The following GPC5 variants were observed in gnomAD, a reference collection of about 807,000 sequenced individuals.
GPC5 encodes the protein glypican 5, also known as glypican-5.
GPC5 carries 47 observed loss-of-function variants against 53.9 expected under a neutral mutation model. The ratio of observed to expected loss-of-function variants is 0.87; its 90% CI spans 0.69 to 1.11. The LOEUF is 1.11. Among genes scored for constraint, GPC5 ranks in the 50% most tolerant of loss-of-function variants. GPC5 has a pLI of 0.00. For synonymous variants in GPC5, 286 were observed against 263.3 expected, an observed-to-expected ratio of 1.09 and a Z score of -0.84; for missense variants, 748 against 713.1, an observed-to-expected ratio of 1.05 and a Z score of -0.56.
intron 4 of GPC5, among the ~76,000 whole-genome samples, chr13:91,755,366 A>G (rs1043518346): frequency 2.6e-5 from 4 of 152,106 alleles, no homozygotes; most frequent in African/African-American, 9.7e-5. Context: ...TTTCCTTCCA[A>G]CATTTCCTTC....
chr13:92,751,561 T>G (rs1889399670), intron 7 of GPC5, among the ~76,000 whole-genome samples: 1 of 122,062 alleles, frequency 8.2e-6, no homozygotes, highest in South Asian at 2.7e-4. Context: ...CCTTCTAAAT[T>G]GTGCAGTGGG....
At chr13:91,618,423 G>T (rs68058549) in intron 2 of GPC5, among the ~76,000 whole-genome samples, 2 of 151,872 alleles carry the variant, frequency 1.3e-5, no homozygotes, top group South Asian at 2.1e-4. Flanking sequence ...CATCAATATT[G>T]GTGTTACATA....
chr13:92,239,753 A>G (rs953164106), intron 7 of GPC5: 1 of 152,084 alleles, frequency 6.6e-6, no homozygotes, highest in Non-Finnish European at 1.5e-5. Context: ...CATGAGGTCC[A>G]TTATATTTCA....
rs555918262 is a variant in GPC5 at position 92,265,577 on chromosome 13, A to G, written c.1561+120588A>G. Reference sequence around the variant, plus strand: ...AATGACTTAAGTAATCTCTAAGATGATTCAGAATTTCCCTACAGCTGTTCT... The same window carrying G: ...AATGACTTAAGTAATCTCTAAGATGGTTCAGAATTTCCCTACAGCTGTTCT... On this transcript the variant is annotated intron_variant, in intron 7 of 7. Transcript: ENST00000377067. 2.6e-5 allele frequency among the ~76,000 whole-genome samples: 4 copies of G among 152,206 alleles called. 1 individual carries two copies. The highest frequency in any genetic ancestry group is 9.6e-5 in the African/African-American group (4 of 41,544).
intron 7 of GPC5, among the ~76,000 whole-genome samples, chr13:92,226,650 A>G (rs1480967642): frequency 6.8e-6 from 1 of 147,536 alleles, no homozygotes; most frequent in East Asian, 2.0e-4. Context: ...TTTGAGGTGG[A>G]GTTTCACTCA....
chr13:92,577,327 A>G (rs149948010), intron 7 of GPC5, among the ~76,000 whole-genome samples: 1 of 152,122 alleles, frequency 6.6e-6, no homozygotes, highest in African/African-American at 2.4e-5. Context: ...CAAGCTATTA[A>G]TAGCTACCAT....
chr13:92,554,582 C>T (rs984692254), intron 7 of GPC5, among the ~76,000 whole-genome samples: 6 of 149,968 alleles, frequency 4.0e-5, no homozygotes, highest in Non-Finnish European at 7.4e-5. Context: ...ATCCCCAAAA[C>T]TATTTACTTG....
intron 6 of GPC5, among the ~76,000 whole-genome samples, chr13:92,122,747 T>C (rs1566444957): frequency 6.8e-6 from 1 of 147,420 alleles, no homozygotes; most frequent in Non-Finnish European, 1.5e-5. Context: ...AGTCTTTTTT[T>C]TTTTTTTTTT....
chr13:92,361,536 G>C (rs2139281986), intron 7 of GPC5, among the ~76,000 whole-genome samples: 1 of 151,798 alleles, frequency 6.6e-6, no homozygotes, highest in Admixed American at 6.5e-5. Context: ...GGGTAAGAAA[G>C]GTTTTTCTGT....
At chr13:92,509,242 C>T (rs946734448) in intron 7 of GPC5, among the ~76,000 whole-genome samples, 4 of 151,868 alleles carry the variant, frequency 2.6e-5, no homozygotes, top group African/African-American at 9.7e-5. Context: ...TAGTTTTAAC[C>T]CTCCTCTCCC....
chr13:92,095,750 G>A (rs2041417399), intron 6 of GPC5, among the ~76,000 whole-genome samples: 1 of 152,162 alleles, frequency 6.6e-6, no homozygotes, highest in Admixed American at 6.5e-5. Flanking sequence ...GGTCAGGCTG[G>A]TCTCGAATTC....
intron 7 of GPC5, among the ~76,000 whole-genome samples, chr13:92,837,412 G>A (rs766173294): frequency 6.6e-6 from 1 of 152,062 alleles, no homozygotes; most frequent in African/African-American, 2.4e-5. Context: ...ATTCAGACAG[G>A]GGAAGGTCTT....
chr13:91,751,326 C>A (rs1443038248), intron 4 of GPC5, among the ~76,000 whole-genome samples: 1 of 152,162 alleles, frequency 6.6e-6, no homozygotes, highest in Non-Finnish European at 1.5e-5. Flanking sequence ...TATTAGTTTT[C>A]TTTTCCTATC....
chr13:92,052,297 C>T (rs1385864611), intron 6 of GPC5, among the ~76,000 whole-genome samples: 5 of 152,078 alleles, frequency 3.3e-5, no homozygotes, highest in African/African-American at 4.8e-5. Flanking sequence ...TTGGTCTCAC[C>T]GACTTCAAGA....
intron 6 of GPC5, among the ~76,000 whole-genome samples, chr13:92,040,249 GC>G (rs1420155135): frequency 1.3e-5 from 2 of 152,132 alleles, no homozygotes; most frequent in Non-Finnish European, 2.9e-5. Context: ...GTGGGTTTTC[GC>G]CAGTCTCTGG....
chr13:91,702,470 A>C (rs9589339), intron 3 of GPC5, among the ~76,000 whole-genome samples: 2,347 of 152,116 alleles, frequency 0.015, 60 homozygotes, highest in African/African-American at 0.053. Context: ...GCATAAATTT[A>C]TTTCTGGGAT....
intron 7 of GPC5, among the ~76,000 whole-genome samples, chr13:92,279,017 A>G (rs186755496): frequency 1.3e-4 from 20 of 152,020 alleles, no homozygotes; most frequent in Admixed American, 1.2e-3. Context: ...GCCCCTTGTG[A>G]TTCCACATGA....
intron 6 of GPC5, among the ~76,000 whole-genome samples, chr13:91,945,378 T>G (rs1227317658): frequency 6.6e-6 from 1 of 152,216 alleles, no homozygotes; most frequent in Non-Finnish European, 1.5e-5. Context: ...CCCATGCTCT[T>G]GTATTTCACT....
intron 7 of GPC5, among the ~76,000 whole-genome samples, chr13:92,192,991 A>G (rs530855249): frequency 8.5e-5 from 13 of 152,304 alleles, no homozygotes; most frequent in African/African-American, 2.6e-4. Context: ...CCTGGCCAAC[A>G]TAGTGAAATC....
Sources: allele counts gnomAD v4.1 joint callset (sites outside exome capture counted in the v4.1 genomes callset), GRCh38; gene constraint gnomAD v4.1.1; transcripts MANE v1.5; gene names NCBI Gene and HGNC (gene_info 2026-07-23, HGNC 2026-07-21).